Variants in MEF2A observed in about 807,000 individuals in gnomAD.
MEF2A encodes the protein myocyte enhancer factor 2A.
Under a neutral mutation model 55.8 loss-of-function variants are expected in MEF2A, and 28 were observed. The ratio of observed to expected loss-of-function variants is 0.50; its 90% CI spans 0.37 to 0.69. MEF2A has a LOEUF of 0.69. MEF2A is among the 30% of genes least tolerant of loss of function. MEF2A has a pLI of 0.00. For synonymous variants in MEF2A, 239 were observed against 227.1 expected (o/e 1.05, Z -0.47); for missense variants, 528 against 626.2 (o/e 0.84, Z 1.67).
At chr15:99,629,207 G>A (rs1190426377) in intron 2 of MEF2A, among the ~76,000 whole-genome samples, 1 of 151,870 alleles carries the variant, frequency 6.6e-6, no homozygotes, top group Non-Finnish European at 1.5e-5. Flanking sequence ...GGCCGAGGCG[G>A]GTGGATCATG....
chr15:99,595,705 CT>C (rs990969821), intron 1 of MEF2A, among the ~76,000 whole-genome samples: 8 of 152,150 alleles, frequency 5.3e-5, no homozygotes, highest in South Asian at 2.1e-4. Context: ...ATTTTACCCC[CT>C]GGGAGTGATG....
intron 4 of MEF2A, among the ~76,000 whole-genome samples, chr15:99,667,761 C>T (rs2050079702): frequency 6.6e-6 from 1 of 152,114 alleles, no homozygotes; most frequent in South Asian, 2.1e-4. Context: ...GTTTGCACAT[C>T]TACAAACACA....
chr15:99,577,645 T>C (rs192296617), intron 1 of MEF2A, among the ~76,000 whole-genome samples: 5 of 152,066 alleles, frequency 3.3e-5, no homozygotes, highest in Admixed American at 3.3e-4. Flanking sequence ...GAAAACCTTC[T>C]TTTGAATTTA....
chr15:99,684,459 A>G (rs2153691538), intron 7 of MEF2A, among the ~76,000 whole-genome samples: 1 of 152,318 alleles, frequency 6.6e-6, no homozygotes, highest in Middle Eastern at 3.4e-3. Flanking sequence ...TTTCACTGAT[A>G]ATTAGTGATG....
rs2058919563 is a variant in MEF2A at position 99,714,037 on chromosome 15, T to G, written c.*1266T>G. 1 of 152,238 alleles carries G rather than the reference T, an allele frequency of 6.6e-6. No homozygotes were observed. The highest frequency in any genetic ancestry group is 1.5e-5 in the Non-Finnish European group (1 of 68,048). 9.4% of individuals were successfully genotyped at this position (152,238 alleles called of 1,614,324 possible). On this transcript the variant is annotated 3_prime_UTR_variant, in exon 12 of 12. Transcript: ENST00000557942. ...TATACTGTACTTTGGATTTTAATTA[T>G]TAGCCCAGTTTTTTCAGAGGATTGT...
intron 2 of MEF2A, among the ~76,000 whole-genome samples, chr15:99,610,138 C>A (rs192729794): frequency 1.3e-5 from 2 of 151,964 alleles, no homozygotes; most frequent in Non-Finnish European, 2.9e-5. Context: ...AGAGCACTGG[C>A]AGTGAACAAT....
In MEF2A at chr15:99,689,478, C is replaced by A. The variant is rs558665836; in HGVS notation, c.671-763C>A. Among the ~76,000 whole-genome samples, 3 of 151,982 alleles carry A rather than the reference C, an allele frequency of 2.0e-5. No individual in the cohort carries two copies. The South Asian group carries it at 6.2e-4, about 32-fold the overall frequency. On this transcript the variant is annotated intron_variant, in intron 7 of 11. Transcript: ENST00000557942. The stretch of plus-strand genomic sequence containing the variant: ...TGAGATGCCCTCTTAGAAATGTGGT[C>A]TTTTGCTTGTTTGTTTCTTTGAGAC...
At chr15:99,695,445 G>T (rs1211672745) in intron 8 of MEF2A, among the ~76,000 whole-genome samples, 2 of 151,980 alleles carry the variant, frequency 1.3e-5, no homozygotes, top group African/African-American at 4.8e-5. Context: ...TGGGAGAAAA[G>T]AAGACAAAAA....
At chr15:99,632,454 G>A (rs1176495867) in intron 2 of MEF2A, among the ~76,000 whole-genome samples, 1 of 152,204 alleles carries the variant, frequency 6.6e-6, no homozygotes, top group East Asian at 1.9e-4. Flanking sequence ...GTTTGGTATG[G>A]AGGTCATCAG....
intron 7 of MEF2A, among the ~76,000 whole-genome samples, chr15:99,682,906 T>C (rs542475345): frequency 6.6e-6 from 1 of 152,328 alleles, no homozygotes; most frequent in South Asian, 2.1e-4. Context: ...ATCTTCTAAA[T>C]AATATCAGAA....
intron 1 of MEF2A, among the ~76,000 whole-genome samples, chr15:99,583,139 G>A (rs1966419811): frequency 6.6e-6 from 1 of 151,968 alleles, no homozygotes; most frequent in East Asian, 1.9e-4. Flanking sequence ...TTTATTTTCC[G>A]TTAGTTCAGG....
intron 3 of MEF2A, among the ~76,000 whole-genome samples, chr15:99,642,998 T>G (rs1344512695): frequency 6.6e-6 from 1 of 152,218 alleles, no homozygotes. Context: ...CTTTATTCCA[T>G]TTTGAATTTA....
intron 7 of MEF2A, among the ~76,000 whole-genome samples, chr15:99,676,770 C>T (rs1597079858): frequency 6.6e-6 from 1 of 152,108 alleles, no homozygotes; most frequent in South Asian, 2.1e-4. Flanking sequence ...CGGAGTTTCA[C>T]CGTGTTAGCC....
chr15:99,617,352 G>C (rs2581471), intron 2 of MEF2A, among the ~76,000 whole-genome samples: 1 of 151,314 alleles, frequency 6.6e-6, no homozygotes, highest in Non-Finnish European at 1.5e-5. Flanking sequence ...TTTTGACTTA[G>C]ATGATTTTGG....
At chr15:99,646,329 AAT>A (rs2153483329) in intron 4 of MEF2A, among the ~76,000 whole-genome samples, 1 of 152,264 alleles carries the variant, frequency 6.6e-6, no homozygotes, top group South Asian at 2.1e-4. Context: ...TCTTCTCAGA[AAT>A]AGTGTTTTAC....
intron 2 of MEF2A, among the ~76,000 whole-genome samples, chr15:99,618,610 A>G (rs1239645428): frequency 6.6e-6 from 1 of 152,210 alleles, no homozygotes; most frequent in Non-Finnish European, 1.5e-5. Flanking sequence ...AGGGCGTGAT[A>G]TATGCAACTT....
chr15:99,710,239 G>C (rs1296275682), intron 10 of MEF2A, among the ~76,000 whole-genome samples: 1 of 152,070 alleles, frequency 6.6e-6, no homozygotes, highest in Non-Finnish European at 1.5e-5. Context: ...CTCAATGTAG[G>C]AACTTTTTAT....
intron 2 of MEF2A, among the ~76,000 whole-genome samples, chr15:99,628,108 G>C (rs950225006): frequency 1.1e-4 from 17 of 152,214 alleles, no homozygotes; most frequent in Non-Finnish European, 1.2e-4. Context: ...CTAACTGTAA[G>C]TGTTGTTAGG....
chr15:99,712,040 G>A lies in MEF2A; in HGVS notation c.1137-350G>A, dbSNP rs1477900517. 1.3e-5 allele frequency among the ~76,000 whole-genome samples: 2 copies of A among 152,246 alleles called. No individual in the cohort carries two copies. The highest frequency in any genetic ancestry group is 4.1e-4 in the South Asian group (2 of 4,830). The stretch of plus-strand genomic sequence containing the variant: ...GAGCAGATGGGGAGCAGATGCTGAG[G>A]AAGAAGAGGCGGTGAGCAGATGAGG... On this transcript the variant is annotated intron_variant, in intron 11 of 11. Transcript: ENST00000557942. The surrounding 1 kb of genome is among the most constrained non-coding windows in gnomAD (Gnocchi z 4.1).
Sources: gnomAD v4.1 joint callset for allele counts (sites outside exome capture counted in the v4.1 genomes callset) on GRCh38, gnomAD v4.1.1 for gene constraint, Gnocchi (gnomAD v3.1) non-coding constraint, MANE v1.5 for transcripts, NCBI Gene and HGNC (gene_info 2026-07-23, HGNC 2026-07-21) for gene names.